Variants in ROR2 observed in about 807,000 individuals in gnomAD.
ROR2 encodes tyrosine-protein kinase transmembrane receptor ROR2.
In ROR2, 33 loss-of-function variants were observed where a neutral mutation model predicts 74.9. That is an observed-to-expected ratio of 0.44 (90% confidence interval 0.33 to 0.59). ROR2 has a LOEUF of 0.59. Among genes scored for constraint, ROR2 ranks in the 20% least tolerant of loss-of-function variants. The probability of loss-of-function intolerance (pLI) is 0.02; values close to 1 mark genes in which losing one functional copy is unlikely to be tolerated. For missense variants in ROR2, 1,216 were observed against 1,313.8 expected (o/e 0.93, Z 1.15); for synonymous variants, 586 against 558.7 (o/e 1.05, Z -0.69).
chr9:91,857,739 C>A (rs560713197), intron 1 of ROR2, among the ~76,000 whole-genome samples: 1 of 152,264 alleles, frequency 6.6e-6, no homozygotes, highest in South Asian at 2.1e-4. Context: ...GCCCCCTCCC[C>A]ACAGCTCCCA....
chr9:91,812,061 C>CA (rs527726654), intron 1 of ROR2, among the ~76,000 whole-genome samples: 68,023 of 133,326 alleles, frequency 0.51, 16,574 homozygotes, highest in East Asian at 0.73. Context: ...TAAAAAAATG[C>CA]AAAAAAAAAA....
In ROR2 at chr9:91,758,382, C is replaced by T. The variant is rs1285598844; in HGVS notation, c.176-823G>A. 2.0e-5 allele frequency among the ~76,000 whole-genome samples: 3 copies of T among 152,224 alleles called. No individual in the cohort carries two copies. The East Asian group carries it at 5.8e-4, about 29-fold the overall frequency. On this transcript the variant is annotated intron_variant, in intron 2 of 8. Coordinates refer to ENST00000375708, the MANE Select transcript of ROR2 (RefSeq NM_004560.4). ...GATGTAAATTCACGCTCAGAAAGTCCCTCCTCCTTGCCTACCATATCATTA... is the reference window on the plus strand; with the variant it reads ...GATGTAAATTCACGCTCAGAAAGTCTCTCCTCCTTGCCTACCATATCATTA...
intron 1 of ROR2, among the ~76,000 whole-genome samples, chr9:91,921,404 G>A (rs551299682): frequency 6.6e-6 from 1 of 152,158 alleles, no homozygotes; most frequent in Non-Finnish European, 1.5e-5. Context: ...CAAAAGTAAA[G>A]CAGAATCAGG....
intron 1 of ROR2, among the ~76,000 whole-genome samples, chr9:91,897,027 C>T (rs751935778): frequency 9.2e-5 from 14 of 152,200 alleles, no homozygotes; most frequent in Admixed American, 4.6e-4. Context: ...CCATGCTCCT[C>T]GTGAAAGCTC....
intron 1 of ROR2, among the ~76,000 whole-genome samples, chr9:91,936,477 T>G (rs574597950): frequency 6.6e-6 from 1 of 152,192 alleles, no homozygotes; most frequent in African/African-American, 2.4e-5. Context: ...CATTGGATTA[T>G]AGCCCACCGT....
intron 1 of ROR2, among the ~76,000 whole-genome samples, chr9:91,899,742 CACAT>C (rs1341424947): frequency 6.6e-6 from 1 of 152,142 alleles, no homozygotes; most frequent in African/African-American, 2.4e-5. Context: ...CACAAGCACA[CACAT>C]ATACACTCAC....
chr9:91,733,067 A>G lies in ROR2; in HGVS notation c.937+55T>C. The stretch of plus-strand genomic sequence containing the variant: ...CACCGACACCCCCATACACATTTCA[A>G]GGGCCCTACACTCCCTGCGCCCCCC... On this transcript the variant is annotated intron_variant, in intron 6 of 8. Coordinates refer to ENST00000375708, the MANE Select transcript of ROR2 (RefSeq NM_004560.4). The surrounding 1 kb of genome is among the most constrained non-coding windows in gnomAD (Gnocchi z 5.7). 2 of 1,496,088 alleles carry G rather than the reference A, an allele frequency of 1.3e-6. No individual in the cohort carries two copies. Among genetic ancestry groups the G allele is most frequent in the Non-Finnish European group, 1.8e-6 (2 of 1,111,092 alleles). 92.7% of individuals were successfully genotyped at this position (1,496,088 alleles called of 1,614,324 possible). A position where few individuals can be genotyped will look rare whatever the true frequency, so the allele number is the denominator to read the frequency against.
At chr9:91,919,023 ACCACT>A (rs36207051) in intron 1 of ROR2, among the ~76,000 whole-genome samples, 21,312 of 151,738 alleles carry the variant, frequency 0.14, 3,278 homozygotes, top group African/African-American at 0.39. Context: ...TCATTTCCAG[ACCACT>A]CCACTCAACA....
In ROR2 at chr9:91,724,436, G is replaced by A. The variant is rs191107364; in HGVS notation, c.2058C>T (p.Phe686=). 1.9e-6 allele frequency: 3 copies of A among 1,614,098 alleles called. No homozygotes were observed. Among genetic ancestry groups the A allele is most frequent in the African/African-American group, 2.7e-5 (2 of 74,950 alleles). ...CGCAGTAGGGCTGCAGGCCGTAGCT[G>A]AAGACCTCCCACAGGACCACACCGT... ...WSYGVVLWEV[F]SYGLQPYCGY... Residue 686 remains phenylalanine, a synonymous_variant, in exon 9 of 9, where the codon TTC becomes TTT. Coordinates refer to ENST00000375708, the MANE Select transcript of ROR2 (RefSeq NM_004560.4).
At chr9:91,867,035 C>T (rs145030477) in intron 1 of ROR2, among the ~76,000 whole-genome samples, 1 of 152,314 alleles carries the variant, frequency 6.6e-6, no homozygotes, top group African/African-American at 2.4e-5. Context: ...GGACAAGATA[C>T]ATACAGTCGG....
At chr9:91,877,686 G>T (rs1415095620) in intron 1 of ROR2, among the ~76,000 whole-genome samples, 3 of 152,116 alleles carry the variant, frequency 2.0e-5, no homozygotes, top group Non-Finnish European at 4.4e-5. Flanking sequence ...TTTATAACTG[G>T]AGTTCATTAT....
chr9:91,889,530 C>T (rs1385346279), intron 1 of ROR2, among the ~76,000 whole-genome samples: 1 of 152,142 alleles, frequency 6.6e-6, no homozygotes, highest in African/African-American at 2.4e-5. Context: ...TGTGTGGACC[C>T]GGACAGACCC....
chr9:91,919,834 C>G lies in ROR2; in HGVS notation c.97+30033G>C, dbSNP rs76425528. Among the ~76,000 whole-genome samples the G allele has an allele frequency of 2.4e-3, 359 of 152,314 alleles. 1 individual carries two copies. Among genetic ancestry groups the G allele is most frequent in the African/African-American group, 8.3e-3 (344 of 41,566 alleles). ...TTCCTGGGAAGGTTTCCCAGCCCAC[C>G]TTCATGGAGGTGTCAACCACTGGGG... On this transcript the variant is annotated intron_variant, in intron 1 of 8. Transcript: ENST00000375708.
At chr9:91,946,381 C>G (rs1225250688) in intron 1 of ROR2, among the ~76,000 whole-genome samples, 1 of 152,210 alleles carries the variant, frequency 6.6e-6, no homozygotes, top group Admixed American at 6.5e-5. Flanking sequence ...CCCAAGGAGG[C>G]ACCTCAAGGT....
chr9:91,806,766 T>TA (rs1194959152), intron 1 of ROR2, among the ~76,000 whole-genome samples: 3 of 152,124 alleles, frequency 2.0e-5, no homozygotes, highest in Admixed American at 2.0e-4. Context: ...ATTTTTTGTA[T>TA]TTTTAGTAGA....
At chr9:91,830,830 G>GTA (rs1353320332) in intron 1 of ROR2, among the ~76,000 whole-genome samples, 160 of 151,598 alleles carry the variant, frequency 1.1e-3, no homozygotes, top group African/African-American at 3.7e-3. Flanking sequence ...GTGTGTGTGT[G>GTA]TGTGTGTGTG....
In ROR2 at chr9:91,722,685, G is replaced by C. The variant is rs948916856; in HGVS notation, c.*977C>G. The C allele has an allele frequency of 1.3e-5, 10 of 767,532 alleles. No homozygotes were observed. The highest frequency in any genetic ancestry group is 2.4e-5 in the Non-Finnish European group (10 of 412,098). The allele number at this position is 767,532 out of a possible 1,614,324, so 47.5% of individuals were successfully genotyped here. ...GTGTGCGGGGCACAGACGGCTGCCTGTGGGTCTGTGTGTAACAGGGGCTGT... is the reference window on the plus strand; with the variant it reads ...GTGTGCGGGGCACAGACGGCTGCCTCTGGGTCTGTGTGTAACAGGGGCTGT... On this transcript the variant is annotated 3_prime_UTR_variant, in exon 9 of 9. Coordinates refer to ENST00000375708, the MANE Select transcript of ROR2 (RefSeq NM_004560.4).
chr9:91,828,195 T>C (rs1279589480), intron 1 of ROR2, among the ~76,000 whole-genome samples: 2 of 152,262 alleles, frequency 1.3e-5, no homozygotes, highest in Non-Finnish European at 2.9e-5. Flanking sequence ...CATACTTTCT[T>C]ATTGTTTGGT....
At chr9:91,859,381 T>C (rs1322543007) in intron 1 of ROR2, among the ~76,000 whole-genome samples, 1 of 152,054 alleles carries the variant, frequency 6.6e-6, no homozygotes, top group African/African-American at 2.4e-5. Context: ...GTATTTTTAG[T>C]AGAGATGGTG....
Sources: gnomAD v4.1 joint callset for allele counts (sites outside exome capture counted in the v4.1 genomes callset) on GRCh38, gnomAD v4.1.1 for gene constraint, Gnocchi (gnomAD v3.1) non-coding constraint, MANE v1.5 for transcripts, NCBI Gene and HGNC (gene_info 2026-07-23, HGNC 2026-07-21) for gene names.